Variants in NMNAT3 observed in about 807,000 individuals in gnomAD.
NMNAT3 encodes nicotinamide/nicotinic acid mononucleotide adenylyltransferase 3.
A neutral mutation model predicts 24.8 loss-of-function variants in NMNAT3; 21 were observed. The ratio of observed to expected loss-of-function variants is 0.85; its 90% CI spans 0.60 to 1.22. NMNAT3 has a LOEUF of 1.22. Ranked by LOEUF, NMNAT3 falls within the 50% of genes most tolerant of loss-of-function variation. NMNAT3 has a pLI of 0.00. For missense variants in NMNAT3, 387 were observed against 436.6 expected (o/e 0.89, Z 1.01); for synonymous variants, 136 against 155.2 (o/e 0.88, Z 0.92).
intron 1 of NMNAT3, among the ~76,000 whole-genome samples, chr3:139,674,450 C>T (rs1232252202): frequency 6.6e-6 from 1 of 152,074 alleles, no homozygotes; most frequent in Non-Finnish European, 1.5e-5. Context: ...ACTGGGGAAC[C>T]ATGATAAACG....
intron 6 of NMNAT3, chr3:139,565,310 A>G (rs917983979): frequency 6.6e-6 from 1 of 152,204 alleles, no homozygotes; most frequent in Non-Finnish European, 1.5e-5. Context: ...AAAGATTTTT[A>G]AAGTCCCTGA....
At chr3:139,675,135 T>A (rs201452755) in intron 1 of NMNAT3, among the ~76,000 whole-genome samples, 1 of 148,228 alleles carries the variant, frequency 6.7e-6, no homozygotes, top group Non-Finnish European at 1.5e-5. Context: ...CTTTTAAACA[T>A]ACACACACAC....
intron 1 of NMNAT3, among the ~76,000 whole-genome samples, chr3:139,651,715 T>A (rs2057061062): frequency 6.6e-6 from 1 of 152,152 alleles, no homozygotes; most frequent in African/African-American, 2.4e-5. Flanking sequence ...ATCCCTAGAC[T>A]CCTGGTCTCA....
intron 3 of NMNAT3, among the ~76,000 whole-genome samples, chr3:139,591,789 A>G (rs1351901166): frequency 1.3e-5 from 2 of 152,276 alleles, no homozygotes; most frequent in African/African-American, 4.8e-5. Context: ...TAACAAACAG[A>G]AAGGACATCC....
At chr3:139,662,519 A>ACT (rs1344393382) in intron 1 of NMNAT3, among the ~76,000 whole-genome samples, 1 of 152,172 alleles carries the variant, frequency 6.6e-6, no homozygotes, top group Non-Finnish European at 1.5e-5. Flanking sequence ...GGTAGGCAGT[A>ACT]GCATTAGGGT....
chr3:139,603,095 A>G (rs2054786043), intron 3 of NMNAT3, among the ~76,000 whole-genome samples: 1 of 152,216 alleles, frequency 6.6e-6, no homozygotes. Context: ...TCCCCAAAGA[A>G]AAAGGGTTAA....
At chr3:139,667,674 G>C (rs1200280915) in intron 1 of NMNAT3, among the ~76,000 whole-genome samples, 2 of 152,158 alleles carry the variant, frequency 1.3e-5, no homozygotes, top group African/African-American at 4.8e-5. Flanking sequence ...CCAGAATTGT[G>C]AGAGACAATA....
intron 5 of NMNAT3, chr3:139,575,932 C>T (rs955200657): frequency 4.6e-5 from 59 of 1,288,614 alleles, no homozygotes; most frequent in Non-Finnish European, 5.9e-5. Flanking sequence ...CAGATGGGAG[C>T]TCCACGTCCT....
chr3:139,612,539 G>C (rs1217549437), intron 3 of NMNAT3, among the ~76,000 whole-genome samples: 1 of 152,184 alleles, frequency 6.6e-6, no homozygotes, highest in Admixed American at 6.5e-5. Flanking sequence ...CCAGGTTGCA[G>C]GCAGGTAGTC....
chr3:139,589,153 C>T (rs2108156505), intron 3 of NMNAT3, among the ~76,000 whole-genome samples: 2 of 152,220 alleles, frequency 1.3e-5, no homozygotes, highest in East Asian at 3.9e-4. Flanking sequence ...GCAGGATTTG[C>T]AGGAATTGTA....
intron 5 of NMNAT3, among the ~76,000 whole-genome samples, chr3:139,578,331 C>T (rs1013402338): frequency 6.6e-6 from 1 of 151,962 alleles, no homozygotes; most frequent in Admixed American, 6.5e-5. Flanking sequence ...TTCTATTTCA[C>T]ATAAAAGTCT....
At chr3:139,613,335 G>C (rs893265582) in intron 3 of NMNAT3, among the ~76,000 whole-genome samples, 1 of 152,202 alleles carries the variant, frequency 6.6e-6, no homozygotes, top group Admixed American at 6.5e-5. Flanking sequence ...GATATGAACA[G>C]ACACTTCTCA....
intron 1 of NMNAT3, among the ~76,000 whole-genome samples, chr3:139,657,828 ATGG>A (rs1310499848): frequency 6.7e-6 from 1 of 149,994 alleles, no homozygotes; most frequent in Non-Finnish European, 1.5e-5. Context: ...GGGGGGTATC[ATGG>A]TGGGTGTGGT....
chr3:139,606,338 T>C (rs1292956378), intron 3 of NMNAT3, among the ~76,000 whole-genome samples: 1 of 152,160 alleles, frequency 6.6e-6, no homozygotes, highest in Admixed American at 6.5e-5. Context: ...GTTGGTGTTT[T>C]CTCATGATTA....
chr3:139,596,629 C>A (rs945115868), intron 3 of NMNAT3, among the ~76,000 whole-genome samples: 1 of 151,938 alleles, frequency 6.6e-6, no homozygotes, highest in African/African-American at 2.4e-5. Flanking sequence ...GCTTTCTGAG[C>A]ACCTGGTTAG....
chr3:139,616,838 T>C (rs1225932959), intron 3 of NMNAT3, among the ~76,000 whole-genome samples: 1 of 152,128 alleles, frequency 6.6e-6, no homozygotes, highest in Admixed American at 6.5e-5. Context: ...AGCTCTAGGA[T>C]TAAAAAGCAC....
At chr3:139,617,862 C>T (rs572016287) in intron 3 of NMNAT3, among the ~76,000 whole-genome samples, 11 of 152,318 alleles carry the variant, frequency 7.2e-5, no homozygotes, top group African/African-American at 2.6e-4. Context: ...AAGAGAAATG[C>T]AGGCTTAAAT....
chr3:139,564,816 T>A (rs898156852), intron 6 of NMNAT3, among the ~76,000 whole-genome samples: 10 of 152,372 alleles, frequency 6.6e-5, no homozygotes, highest in African/African-American at 2.4e-4. Flanking sequence ...CTTCCTGTTT[T>A]TAATTGCTCT....
chr3:139,590,997 T>C (rs1281086328), intron 3 of NMNAT3, among the ~76,000 whole-genome samples: 2 of 151,714 alleles, frequency 1.3e-5, no homozygotes, highest in East Asian at 3.9e-4. Flanking sequence ...AGCTCCGGTC[T>C]ACAGCTCCCA....
Sources: allele counts gnomAD v4.1 joint callset (sites outside exome capture counted in the v4.1 genomes callset), GRCh38; gene constraint gnomAD v4.1.1; transcripts MANE v1.5; gene names NCBI Gene and HGNC (gene_info 2026-07-23, HGNC 2026-07-21).